The following ASPRV1 variants were observed in gnomAD, a reference collection of about 807,000 sequenced individuals.
ASPRV1 encodes the protein aspartic peptidase retroviral like 1.
A neutral mutation model predicts 11.0 loss-of-function variants in ASPRV1; 7 were observed. The ratio of observed to expected loss-of-function variants is 0.64; its 90% CI spans 0.36 to 1.20. ASPRV1 has a LOEUF of 1.20. ASPRV1 is among the 50% of genes most tolerant of loss of function. The probability of loss-of-function intolerance (pLI) is 0.02; values close to 1 mark genes in which losing one functional copy is unlikely to be tolerated. For missense variants in ASPRV1, 299 were observed against 320.0 expected, an observed-to-expected ratio of 0.93 and a Z score of 0.50; for synonymous variants, 136 against 138.4, an observed-to-expected ratio of 0.98 and a Z score of 0.12.
chr2:70,079,177 G>C, the ASPRV1 span, among the ~76,000 whole-genome samples: 1 of 152,168 alleles, frequency 6.6e-6, no homozygotes, highest in Non-Finnish European at 1.5e-5. Flanking sequence ...CCAGTGAATA[G>C]TTGGATATAA....
the ASPRV1 span, among the ~76,000 whole-genome samples, chr2:70,061,481 A>C: frequency 6.6e-6 from 1 of 152,154 alleles, no homozygotes; most frequent in Non-Finnish European, 1.5e-5. Flanking sequence ...GAGGCTATAC[A>C]GCACTGCAAA....
the ASPRV1 span, among the ~76,000 whole-genome samples, chr2:69,954,739 C>T: frequency 2.6e-5 from 4 of 152,200 alleles, no homozygotes; most frequent in African/African-American, 9.7e-5. Flanking sequence ...CTCTAGGGAG[C>T]TGTCCCTGAC....
the ASPRV1 span, among the ~76,000 whole-genome samples, chr2:70,052,956 G>C: frequency 1.3e-5 from 2 of 152,134 alleles, no homozygotes; most frequent in Non-Finnish European, 2.9e-5. Context: ...TGGCACACAA[G>C]GCCTACATCT....
the ASPRV1 span, chr2:69,988,683 A>G: frequency 6.9e-6 from 3 of 434,020 alleles, no homozygotes; most frequent in African/African-American, 6.1e-5. Flanking sequence ...GGTCGATTTT[A>G]TGTTATATAT....
the ASPRV1 span, among the ~76,000 whole-genome samples, chr2:70,052,515 G>C: frequency 6.6e-6 from 1 of 152,064 alleles, no homozygotes; most frequent in Non-Finnish European, 1.5e-5. Context: ...TGAGTGCCAG[G>C]CAACAGTATA....
At chr2:69,999,675 A>G in the ASPRV1 span, among the ~76,000 whole-genome samples, 1 of 151,268 alleles carries the variant, frequency 6.6e-6, no homozygotes, top group East Asian at 1.9e-4. Context: ...AAAAAAAAAA[A>G]AAAGACAGAA....
the ASPRV1 span, among the ~76,000 whole-genome samples, chr2:70,005,379 C>G: frequency 6.6e-6 from 1 of 152,096 alleles, no homozygotes; most frequent in South Asian, 2.1e-4. Context: ...TTTCTTTTAT[C>G]AATGTTTTTG....
the ASPRV1 span, among the ~76,000 whole-genome samples, chr2:69,978,059 G>A: frequency 6.6e-6 from 1 of 152,168 alleles, no homozygotes. Context: ...AAGCAGGCTG[G>A]GGCCCTATGG....
At chr2:70,042,950 T>A in the ASPRV1 span, among the ~76,000 whole-genome samples, 1 of 152,130 alleles carries the variant, frequency 6.6e-6, no homozygotes, top group African/African-American at 2.4e-5. Flanking sequence ...GACAGTGAAA[T>A]TGAACCTCAG....
the ASPRV1 span, among the ~76,000 whole-genome samples, chr2:70,062,869 T>TA: frequency 6.6e-6 from 1 of 152,076 alleles, no homozygotes; most frequent in Non-Finnish European, 1.5e-5. Flanking sequence ...GGCAGGACAT[T>TA]ACAGCCATGG....
chr2:70,061,047 T>C, the ASPRV1 span, among the ~76,000 whole-genome samples: 1 of 152,090 alleles, frequency 6.6e-6, no homozygotes, highest in African/African-American at 2.4e-5. Context: ...AGTTTCTTTA[T>C]ATAGAGCGGC....
the ASPRV1 span, among the ~76,000 whole-genome samples, chr2:70,066,750 A>G: frequency 2.0e-5 from 3 of 152,056 alleles, no homozygotes; most frequent in Non-Finnish European, 4.4e-5. Flanking sequence ...GATGTTCACC[A>G]GCACCACACT....
At chr2:70,016,054 A>G in the ASPRV1 span, 1 of 152,348 alleles carries the variant, frequency 6.6e-6, no homozygotes, top group Middle Eastern at 3.4e-3. Context: ...ACTACACTTT[A>G]GACCAAAGGA....
chr2:69,954,815 G>A, the ASPRV1 span, among the ~76,000 whole-genome samples: 1 of 152,140 alleles, frequency 6.6e-6, no homozygotes, highest in African/African-American at 2.4e-5. Context: ...TCTAAGCCCT[G>A]CCTGCCTCCC....
chr2:70,086,644 G>C, the ASPRV1 span, among the ~76,000 whole-genome samples: 1 of 152,220 alleles, frequency 6.6e-6, no homozygotes, highest in Non-Finnish European at 1.5e-5. Flanking sequence ...AACAAACGAG[G>C]CCTCCACAGG....
chr2:70,051,153 C>T, the ASPRV1 span: 1 of 152,078 alleles, frequency 6.6e-6, no homozygotes, highest in African/African-American at 2.4e-5. Flanking sequence ...CTATCATTAT[C>T]CCTACTTAAC....
At chr2:70,030,526 GAC>G in the ASPRV1 span, 10 of 152,080 alleles carry the variant, frequency 6.6e-5, no homozygotes, top group African/African-American at 2.4e-4. Context: ...ATTTTATAAA[GAC>G]ACAGGAGCAG....
At chr2:70,026,537 A>G in the ASPRV1 span, among the ~76,000 whole-genome samples, 1 of 152,124 alleles carries the variant, frequency 6.6e-6, no homozygotes, top group South Asian at 2.1e-4. Context: ...TACGAAAATC[A>G]GTAGCATTTC....
chr2:69,961,560 G>A lies in ASPRV1; in HGVS notation c.-124C>T, dbSNP rs757384864. 3.6e-5 allele frequency: 58 copies of A among 1,613,974 alleles called. No individual in the cohort carries two copies. The highest frequency in any genetic ancestry group is 4.6e-5 in the Non-Finnish European group (54 of 1,179,998). Reference sequence around the variant, plus strand: ...GAAGCAGAGTGGGGATGACTTGCCCGGCCTTGGGCAAGCAGGAGGGAGCAG... The same window carrying A: ...GAAGCAGAGTGGGGATGACTTGCCCAGCCTTGGGCAAGCAGGAGGGAGCAG... On this transcript the variant is annotated 5_prime_UTR_variant, in exon 1 of 1. Coordinates refer to ENST00000320256, the MANE Select transcript of ASPRV1 (RefSeq NM_152792.4).
Sources: allele counts gnomAD v4.1 joint callset (sites outside exome capture counted in the v4.1 genomes callset), GRCh38; gene constraint gnomAD v4.1.1; transcripts MANE v1.5; gene names NCBI Gene and HGNC (gene_info 2026-07-23, HGNC 2026-07-21).